Variants in TTLL10 observed in about 807,000 individuals in gnomAD.
The protein encoded by TTLL10 is tubulin tyrosine ligase like 10, also known as inactive polyglycylase TTLL10.
TTLL10 carries 61 observed loss-of-function variants against 69.0 expected under a neutral mutation model. That is an observed-to-expected ratio of 0.88 (90% CI 0.72 to 1.09). TTLL10 has a LOEUF of 1.09. Ranked by LOEUF, TTLL10 falls within the 50% of genes least tolerant of loss-of-function variation. The pLI is 0.00. For missense variants in TTLL10, 962 were observed against 945.9 expected (o/e 1.02, Z -0.22); for synonymous variants, 408 against 393.3 (o/e 1.04, Z -0.44).
rs1160084295 is a variant in TTLL10, at chr1:1,179,275, C to T, written c.60C>T (p.Ala20=). ...GGGGACCACCCACTCGGACCCGAGC[C>T]GGCTTCAAGAGGGGCAAGAGGCCAA... ...HRRGPPTRTR[A]GFKRGKRPRI... Residue 20 remains alanine, a synonymous_variant, in exon 4 of 16, where the codon GCC becomes GCT. Transcript: ENST00000379289. The T allele has an allele frequency of 3.2e-6, 5 of 1,551,128 alleles. No individual in the cohort carries two copies. The highest frequency in any genetic ancestry group is 4.4e-6 in the Non-Finnish European group (5 of 1,146,752).
intron 13 of TTLL10, among the ~76,000 whole-genome samples, chr1:1,190,756 C>T (rs914710785): frequency 2.0e-5 from 3 of 152,166 alleles, no homozygotes; most frequent in Non-Finnish European, 4.4e-5. Flanking sequence ...CTCTGACCAC[C>T]ACTTTTGCTG....
At position 1,182,472 on chromosome 1, in the gene TTLL10, G is replaced by A. The variant is rs200335940; in HGVS notation, c.916+26G>A. The A allele has an allele frequency of 1.1e-4, 185 of 1,611,976 alleles. 1 individual carries two copies. The African/African-American group carries it at 2.0e-3, about 18-fold the overall frequency. Reference sequence around the variant, plus strand: ...GTGAGACGCTGCTGGCCGGACACCAGGCTGGCCCTGGGGAGACAGGGTGAG... The same window carrying A: ...GTGAGACGCTGCTGGCCGGACACCAAGCTGGCCCTGGGGAGACAGGGTGAG... On this transcript the variant is annotated intron_variant, in intron 10 of 15. Transcript: ENST00000379289.
chr1:1,180,905 A>T (rs570688401), intron 8 of TTLL10, 45 bp downstream of exon 8: 2 of 1,371,630 alleles, frequency 1.5e-6, no homozygotes, highest in African/African-American at 2.5e-5. Context: ...GCCCGCCCCT[A>T]CGCCTGCCCC....
At chr1:1,183,794 G>A (rs1647154040) in intron 11 of TTLL10, 126 bp from the exon 12 acceptor site, 1 of 1,261,710 alleles carries the variant, frequency 7.9e-7, no homozygotes, top group Admixed American at 2.0e-5. Flanking sequence ...CCCTTTCCCT[G>A]GAGGTCACAC....
chr1:1,178,807 A>G (rs1646950085), intron 3 of TTLL10, among the ~76,000 whole-genome samples: 1 of 152,140 alleles, frequency 6.6e-6, no homozygotes, highest in African/African-American at 2.4e-5. Flanking sequence ...TCAGCAGCGG[A>G]GACAGAGAAG....
chr1:1,177,915 G>A (rs906994944), intron 3 of TTLL10, among the ~76,000 whole-genome samples: 5 of 152,308 alleles, frequency 3.3e-5, no homozygotes, highest in African/African-American at 9.6e-5. Flanking sequence ...GGAAGAGGGC[G>A]TGAGGCTCTC....
intron 13 of TTLL10, among the ~76,000 whole-genome samples, chr1:1,189,543 G>C (rs990955553): frequency 7.9e-5 from 12 of 152,146 alleles, no homozygotes; most frequent in Admixed American, 7.9e-4. Flanking sequence ...AGCAATACTG[G>C]TCTGTAGTGT....
chr1:1,194,013 C>T (rs1371772562), intron 13 of TTLL10, among the ~76,000 whole-genome samples: 1 of 152,014 alleles, frequency 6.6e-6, no homozygotes, highest in African/African-American at 2.4e-5. Flanking sequence ...ATTAGCTCAG[C>T]ATGGGAGTGT....
In TTLL10 at chr1:1,190,929, G is replaced by A. The variant is rs192449427; in HGVS notation, c.1402-5671G>A. Among the ~76,000 whole-genome samples, 1,114 of 152,098 alleles carry A rather than the reference G, an allele frequency of 7.3e-3. 13 individuals carry two copies. Among genetic ancestry groups the A allele is most frequent in the Non-Finnish European group, 0.011 (740 of 68,012 alleles). On this transcript the variant is annotated intron_variant, in intron 13 of 15. Transcript: ENST00000379289. ...CAGCCTCTGCCTCCCGGGTTCAAGC[G>A]ATTCTCCTGCCTCAGCCTCCCGAGT...
At chr1:1,176,539 C>G (rs913091163) in intron 3 of TTLL10, 3 of 397,716 alleles carry the variant, frequency 7.5e-6, no homozygotes, top group African/African-American at 2.1e-5. Flanking sequence ...CCTTTTCCCA[C>G]CTCCACACCT....
At position 1,182,977 on chromosome 1, in the gene TTLL10, C is replaced by G. The variant is rs141341297; in HGVS notation, c.1018C>G (p.Arg340Gly). 13 of 1,608,408 alleles carry G rather than the reference C, an allele frequency of 8.1e-6. No individual in the cohort carries two copies. Among genetic ancestry groups the G allele is most frequent in the African/African-American group, 2.7e-5 (2 of 74,782 alleles). The change falls in exon 11 of 16, where the codon CGG (arginine) becomes GGG (glycine). Residue 340 changes from arginine to glycine, a missense_variant. Physicochemically the swap from Arg to Gly is moderately radical, Grantham distance 125 (BLOSUM62 -2). Transcript: ENST00000379289. ...EEVAALQAKTRSMEDDPIHHK... is the reference protein window; with the variant it reads ...EEVAALQAKTGSMEDDPIHHK... Reference sequence around the variant, plus strand: ...AGTTGCCGCCCTGCAGGCCAAGACCCGGAGCATGGAGGACGACCCCATCCA... The same window carrying G: ...AGTTGCCGCCCTGCAGGCCAAGACCGGGAGCATGGAGGACGACCCCATCCA...
chr1:1,187,329 C>A (rs892513690), intron 13 of TTLL10, among the ~76,000 whole-genome samples: 1 of 151,910 alleles, frequency 6.6e-6, no homozygotes, highest in Non-Finnish European at 1.5e-5. Flanking sequence ...CTTTTAGTAT[C>A]ATATCTAAAA....
rs959962053 is a variant in TTLL10 at position 1,186,091 on chromosome 1, T to C, written c.1401+982T>C. On this transcript the variant is annotated intron_variant, in intron 13 of 15. Coordinates refer to ENST00000379289, the MANE Select transcript of TTLL10 (RefSeq NM_001130045.2). ...ACGTAGTTCACGTATCCTTTTCTTT[T>C]CTTTTTTTTTTTTTTGAGACAGAGT... Among the ~76,000 whole-genome samples, 3 of 144,112 alleles carry C rather than the reference T, an allele frequency of 2.1e-5. No individual in the cohort carries two copies. In the Admixed American group the frequency reaches 2.3e-4, roughly 11 times the overall value. The allele number at this position is 144,112 out of a possible 152,430, so 94.5% of individuals were successfully genotyped here.
chr1:1,180,048 A>G lies in TTLL10; in HGVS notation c.214A>G (p.Arg72Gly). 6.4e-7 allele frequency: 1 copy of G among 1,562,242 alleles called. No individual in the cohort carries two copies. The highest frequency in any genetic ancestry group is 1.2e-5 in the South Asian group (1 of 82,794). ...CCCGTTCACAGGCCCGGCCCACGAG[A>G]GGCCAATGGGGAGCAGCCAGGAGGA... ...GHCPVGPAHE[R>G]PMGSSQEEGL... is the part of the protein sequence containing the mutation. Residue 72 changes from arginine to glycine, a missense_variant, in exon 6 of 16, where the codon AGG (arginine) becomes GGG (glycine). Coordinates refer to ENST00000379289, the MANE Select transcript of TTLL10 (RefSeq NM_001130045.2).
intron 13 of TTLL10, among the ~76,000 whole-genome samples, chr1:1,194,671 A>C (rs1387226746): frequency 6.6e-6 from 1 of 152,152 alleles, no homozygotes; most frequent in African/African-American, 2.4e-5. Flanking sequence ...CTAATGAGAA[A>C]CTGGCTGTTC....
chr1:1,176,594 C>T (rs924236012), intron 3 of TTLL10, among the ~76,000 whole-genome samples: 3 of 152,216 alleles, frequency 2.0e-5, no homozygotes, highest in African/African-American at 7.2e-5. Context: ...CTGGGAGCCT[C>T]CTGGGCCGGT....
At chr1:1,186,801 T>TG (rs1267520707) in intron 13 of TTLL10, among the ~76,000 whole-genome samples, 13 of 152,208 alleles carry the variant, frequency 8.5e-5, no homozygotes, top group Admixed American at 1.3e-4. Flanking sequence ...TCAAACGCTG[T>TG]GGCTGTTCTT....
At position 1,197,384 on chromosome 1, in the gene TTLL10, C is replaced by G. The variant is rs1293335585; in HGVS notation, c.1613-54C>G. The G allele has an allele frequency of 3.2e-6, 3 of 932,138 alleles. No individual in the cohort carries two copies. The South Asian group carries it at 5.0e-5, about 16-fold the overall frequency. The allele number at this position is 932,138 out of a possible 1,614,324, so 57.7% of individuals were successfully genotyped here. On this transcript the variant is annotated intron_variant, in intron 15 of 15. Coordinates refer to ENST00000379289, the MANE Select transcript of TTLL10 (RefSeq NM_001130045.2). ...CCCACCCCTCACACCCTCCCCACCC[C>G]CTCCAGCCCCAGCCTCTGCCCCCCA... is the stretch of plus-strand genomic sequence containing the variant.
chr1:1,190,777 A>C (rs551439571), intron 13 of TTLL10, among the ~76,000 whole-genome samples: 1 of 152,084 alleles, frequency 6.6e-6, no homozygotes, highest in Non-Finnish European at 1.5e-5. Flanking sequence ...CATCCATAAG[A>C]TTTTGCGTGT....
Sources: allele counts gnomAD v4.1 joint callset (sites outside exome capture counted in the v4.1 genomes callset), GRCh38; gene constraint gnomAD v4.1.1; transcripts MANE v1.5; gene names NCBI Gene and HGNC (gene_info 2026-07-23, HGNC 2026-07-21).